EDNRA: variants seen among roughly 807,000 people sequenced by gnomAD.
EDNRA encodes the protein endothelin-1 receptor.
Under a neutral mutation model 41.4 loss-of-function variants are expected in EDNRA, and 11 were observed. That is an observed-to-expected ratio of 0.27 (90% CI 0.17 to 0.44). The LOEUF is 0.44. EDNRA is among the 20% of genes least tolerant of loss of function. EDNRA has a pLI of 1.00. For synonymous variants in EDNRA, 172 were observed against 183.0 expected (o/e 0.94, Z 0.49); for missense variants, 294 against 531.0 (o/e 0.55, Z 4.39).
intron 5 of EDNRA, among the ~76,000 whole-genome samples, chr4:147,536,303 TCG>T (rs1273469723): frequency 5.3e-5 from 8 of 152,186 alleles, no homozygotes; most frequent in African/African-American, 1.9e-4. Flanking sequence ...GTATGTGAGT[TCG>T]TGCATTCAAT....
At chr4:147,517,655 C>T (rs1730162875) in intron 2 of EDNRA, among the ~76,000 whole-genome samples, 1 of 152,178 alleles carries the variant, frequency 6.6e-6, no homozygotes, top group African/African-American at 2.4e-5. Context: ...TCAATGCTCA[C>T]TCCTAGGAAA....
chr4:147,521,856 C>G (rs532044174), intron 3 of EDNRA, among the ~76,000 whole-genome samples: 16 of 152,312 alleles, frequency 1.1e-4, no homozygotes, highest in African/African-American at 3.4e-4. Context: ...GTCCTACACA[C>G]ATGTTCTTCC....
At chr4:147,512,084 C>G (rs1480455897) in intron 2 of EDNRA, among the ~76,000 whole-genome samples, 3 of 152,186 alleles carry the variant, frequency 2.0e-5, no homozygotes, top group Non-Finnish European at 2.9e-5. Flanking sequence ...AATATTGAGG[C>G]TCTCTAATTT....
intron 5 of EDNRA, among the ~76,000 whole-genome samples, chr4:147,539,600 T>C (rs1731028912): frequency 6.6e-6 from 1 of 152,004 alleles, no homozygotes; most frequent in Non-Finnish European, 1.5e-5. Context: ...CCCCCATCCT[T>C]CCTGGAAGCT....
intron 5 of EDNRA, among the ~76,000 whole-genome samples, chr4:147,538,415 A>G (rs971767822): frequency 6.6e-6 from 1 of 152,254 alleles, no homozygotes; most frequent in Non-Finnish European, 1.5e-5. Flanking sequence ...AGCTGCCTTA[A>G]CAAATCAAGA....
chr4:147,519,235 T>A lies in EDNRA; in HGVS notation c.421-616T>A, dbSNP rs553031584. 1.3e-5 allele frequency among the ~76,000 whole-genome samples: 2 copies of A among 152,356 alleles called. No individual in the cohort carries two copies. Among genetic ancestry groups the A allele is most frequent in the South Asian group, 2.1e-4 (1 of 4,826 alleles). ...GAGGAAAATGTAAGTTCAAAGTGGC[T>A]TTAGGTGTTAGCTAGCTGCCAAAAT... On this transcript the variant is annotated intron_variant, in intron 2 of 7. Coordinates refer to ENST00000651419, the MANE Select transcript of EDNRA (RefSeq NM_001957.4). This position sits in a 1 kb window ranked among gnomAD's most constrained non-coding sequence, Gnocchi z 4.1.
chr4:147,530,562 T>C (rs571774087), intron 3 of EDNRA, among the ~76,000 whole-genome samples: 1 of 152,322 alleles, frequency 6.6e-6, no homozygotes, highest in East Asian at 1.9e-4. Context: ...TTATTTACCC[T>C]AAAAATCTTT....
intron 2 of EDNRA, among the ~76,000 whole-genome samples, chr4:147,508,666 T>C (rs187460881): frequency 9.8e-4 from 149 of 152,340 alleles, no homozygotes; most frequent in African/African-American, 3.3e-3. Context: ...TAAGTTATTT[T>C]TTTGCATATG....
At chr4:147,488,418 G>C (rs1017034006) in intron 2 of EDNRA, 1 of 152,102 alleles carries the variant, frequency 6.6e-6, no homozygotes, top group Non-Finnish European at 1.5e-5. Context: ...TGACCATATT[G>C]TTCTCCCCTC....
intron 4 of EDNRA, 49 bp from the exon 5 acceptor site, chr4:147,535,828 G>T: frequency 1.3e-6 from 2 of 1,597,550 alleles, no homozygotes; most frequent in South Asian, 2.3e-5. Flanking sequence ...ATGGTTAATT[G>T]ACATGACTCT....
intron 2 of EDNRA, among the ~76,000 whole-genome samples, chr4:147,509,930 C>T (rs1729862760): frequency 1.3e-5 from 2 of 152,132 alleles, no homozygotes; most frequent in Admixed American, 1.3e-4. Flanking sequence ...CAAAACCATC[C>T]TGCCCCCGCT....
Position 147,485,642 on chromosome 4 carries a change from A to C in EDNRA, c.-40A>C. On this transcript the variant is annotated 5_prime_UTR_variant, in exon 2 of 8. Coordinates refer to ENST00000651419, the MANE Select transcript of EDNRA (RefSeq NM_001957.4). Reference sequence around the variant, plus strand: ...AAAAAAGTGAAGGTGTAAAAGCAGCACAAGTGCAATAAGAGATATTTCCTC... The same window carrying C: ...AAAAAAGTGAAGGTGTAAAAGCAGCCCAAGTGCAATAAGAGATATTTCCTC... The C allele has an allele frequency of 6.5e-7, 1 of 1,532,816 alleles. No homozygotes were observed. The highest frequency in any genetic ancestry group is 8.8e-7 in the Non-Finnish European group (1 of 1,141,104). The allele number at this position is 1,532,816 out of a possible 1,614,324, so 95.0% of individuals were successfully genotyped here. A position where few individuals can be genotyped will look rare whatever the true frequency, so the allele number is the denominator to read the frequency against.
At chr4:147,528,272 T>A (rs996970887) in intron 3 of EDNRA, among the ~76,000 whole-genome samples, 1 of 152,176 alleles carries the variant, frequency 6.6e-6, no homozygotes, top group African/African-American at 2.4e-5. Context: ...TGGCACTTGT[T>A]GTTCTAGGTA....
intron 1 of EDNRA, among the ~76,000 whole-genome samples, chr4:147,482,141 A>G (rs1728784565): frequency 1.3e-5 from 2 of 152,142 alleles, no homozygotes. Flanking sequence ...AAAAGTTCCT[A>G]CTTTTACTTG....
chr4:147,516,607 T>C (rs55676456), intron 2 of EDNRA, among the ~76,000 whole-genome samples: 3,124 of 152,270 alleles, frequency 0.021, 91 homozygotes, highest in African/African-American at 0.071. Flanking sequence ...TTATAAATAT[T>C]AGGGTACATA....
At chr4:147,527,347 A>T (rs1377745296) in intron 3 of EDNRA, among the ~76,000 whole-genome samples, 1 of 152,238 alleles carries the variant, frequency 6.6e-6, no homozygotes, top group African/African-American at 2.4e-5. Flanking sequence ...TAGAAAAAAA[A>T]TTCAAGTAAA....
At chr4:147,497,934 A>G (rs1400555) in intron 2 of EDNRA, among the ~76,000 whole-genome samples, 2,306 of 152,300 alleles carry the variant, frequency 0.015, 58 homozygotes, top group African/African-American at 0.05. Context: ...ATACCTCTAA[A>G]AATGTTCATT....
chr4:147,512,913 A>T, intron 2 of EDNRA, among the ~76,000 whole-genome samples: 1 of 146,140 alleles, frequency 6.8e-6, no homozygotes, highest in East Asian at 1.9e-4. Context: ...TGAACCATCA[A>T]TAGTTATGGC....
chr4:147,506,110 A>G, intron 2 of EDNRA: 2 of 525,468 alleles, frequency 3.8e-6, no homozygotes, highest in Admixed American at 1.9e-5. Flanking sequence ...TATTTGTCAC[A>G]GCAATGAGCT....
Sources: gnomAD v4.1 joint callset for allele counts (sites outside exome capture counted in the v4.1 genomes callset) on GRCh38, gnomAD v4.1.1 for gene constraint, Gnocchi (gnomAD v3.1) non-coding constraint, MANE v1.5 for transcripts, NCBI Gene and HGNC (gene_info 2026-07-23, HGNC 2026-07-21) for gene names.